CTNNA3: variants seen among roughly 807,000 people sequenced by gnomAD.
The protein encoded by CTNNA3 is catenin alpha-3.
In CTNNA3, 76 loss-of-function variants were observed where a neutral mutation model predicts 95.7. The observed-to-expected ratio is 0.79, with a 90% CI of 0.66 to 0.96. CTNNA3 has a LOEUF of 0.96. Ranked by LOEUF, CTNNA3 falls within the 40% of genes least tolerant of loss-of-function variation. The probability of loss-of-function intolerance (pLI) is 0.00; values close to 1 mark genes in which losing one functional copy is unlikely to be tolerated. For synonymous variants in CTNNA3, 431 were observed against 374.4 expected (o/e 1.15, Z -1.74); for missense variants, 1,191 against 1,089.8 (o/e 1.09, Z -1.31).
chr10:67,117,726 T>C (rs1279650692), intron 7 of CTNNA3, among the ~76,000 whole-genome samples: 1 of 152,044 alleles, frequency 6.6e-6, no homozygotes. Flanking sequence ...TATTATTAAT[T>C]TGAAATGTCT....
intron 15 of CTNNA3, among the ~76,000 whole-genome samples, chr10:66,014,844 C>T (rs913288644): frequency 1.7e-4 from 26 of 152,274 alleles, no homozygotes; most frequent in Admixed American, 1.3e-3. Context: ...TGGCTCAATG[C>T]CTGTAATCCC....
intron 5 of CTNNA3, among the ~76,000 whole-genome samples, chr10:67,379,597 T>C (rs1843838625): frequency 6.6e-6 from 1 of 152,192 alleles, no homozygotes; most frequent in Non-Finnish European, 1.5e-5. Context: ...TAAAGGCTCT[T>C]GGTAATTTTT....
intron 5 of CTNNA3, among the ~76,000 whole-genome samples, chr10:67,329,234 A>G (rs1841680996): frequency 6.6e-6 from 1 of 152,180 alleles, no homozygotes; most frequent in Non-Finnish European, 1.5e-5. Flanking sequence ...AGCTGGGCAT[A>G]GTGATGCATG....
intron 15 of CTNNA3, among the ~76,000 whole-genome samples, chr10:66,052,791 T>A (rs539263764): frequency 1.1e-4 from 17 of 152,090 alleles, no homozygotes; most frequent in Admixed American, 2.0e-4. Context: ...AGTTAAAATA[T>A]GGGCAAAGCA....
intron 11 of CTNNA3, among the ~76,000 whole-genome samples, chr10:66,517,177 C>T (rs142662588): frequency 0.011 from 1,699 of 152,008 alleles, 36 homozygotes; most frequent in African/African-American, 0.038. Context: ...GCCAAGATTG[C>T]GCCACTGCAC....
intron 5 of CTNNA3, among the ~76,000 whole-genome samples, chr10:67,453,211 A>T (rs1847054596): frequency 1.3e-5 from 2 of 152,180 alleles, no homozygotes; most frequent in Admixed American, 6.5e-5. Flanking sequence ...TGCTAACCTT[A>T]TGAACACATA....
At chr10:66,181,545 A>T (rs560710060) in intron 13 of CTNNA3, among the ~76,000 whole-genome samples, 2 of 152,074 alleles carry the variant, frequency 1.3e-5, no homozygotes, top group African/African-American at 4.8e-5. Context: ...ACACACTCCC[A>T]CCCTCAGTTC....
At chr10:66,205,331 T>C (rs2087690580) in intron 13 of CTNNA3, among the ~76,000 whole-genome samples, 1 of 151,920 alleles carries the variant, frequency 6.6e-6, no homozygotes, top group Non-Finnish European at 1.5e-5. Context: ...AACAACATTA[T>C]TTGAGGGCCA....
At chr10:67,161,148 C>G (rs568487996) in intron 7 of CTNNA3, among the ~76,000 whole-genome samples, 7 of 152,098 alleles carry the variant, frequency 4.6e-5, no homozygotes, top group African/African-American at 1.7e-4. Flanking sequence ...ATATTGTTCA[C>G]TTAAAAATTT....
chr10:66,862,023 A>T (rs1589347814), intron 7 of CTNNA3, among the ~76,000 whole-genome samples: 1 of 152,066 alleles, frequency 6.6e-6, no homozygotes, highest in Non-Finnish European at 1.5e-5. Context: ...AAGATCAGCC[A>T]GACTGATATG....
At chr10:67,159,281 C>A (rs1861436889) in intron 7 of CTNNA3, among the ~76,000 whole-genome samples, 1 of 152,206 alleles carries the variant, frequency 6.6e-6, no homozygotes, top group South Asian at 2.1e-4. Context: ...GAATTGCTCA[C>A]TCGGGGAGCT....
intron 3 of CTNNA3, among the ~76,000 whole-genome samples, chr10:67,548,291 G>A (rs1020751306): frequency 6.6e-6 from 1 of 152,170 alleles, no homozygotes; most frequent in African/African-American, 2.4e-5. Flanking sequence ...GCAGATGCTG[G>A]TGCTATGCTC....
chr10:66,146,833 A>G (rs1176045528), intron 13 of CTNNA3, among the ~76,000 whole-genome samples: 1 of 152,204 alleles, frequency 6.6e-6, no homozygotes, highest in Non-Finnish European at 1.5e-5. Flanking sequence ...TTGGGATTAC[A>G]GGCATGAGCC....
chr10:66,130,231 T>C (rs748502216), intron 13 of CTNNA3, among the ~76,000 whole-genome samples: 6 of 152,146 alleles, frequency 3.9e-5, no homozygotes, highest in Non-Finnish European at 7.3e-5. Flanking sequence ...AGAGGGAAAT[T>C]TGTAGCACTA....
At chr10:67,367,737 T>C (rs1036020077) in intron 5 of CTNNA3, among the ~76,000 whole-genome samples, 2 of 152,168 alleles carry the variant, frequency 1.3e-5, no homozygotes, top group South Asian at 2.1e-4. Context: ...TAACGAAGTC[T>C]TGTTTTTTGC....
chr10:66,892,200 T>A (rs1845296003), intron 7 of CTNNA3, among the ~76,000 whole-genome samples: 1 of 152,066 alleles, frequency 6.6e-6, no homozygotes, highest in Non-Finnish European at 1.5e-5. Flanking sequence ...CAATGGCAAC[T>A]AAAATGGCGG....
intron 5 of CTNNA3, among the ~76,000 whole-genome samples, chr10:67,370,076 C>T (rs117920782): frequency 0.012 from 1,828 of 152,172 alleles, 22 homozygotes; most frequent in Middle Eastern, 0.034. Context: ...ATAGTTATTA[C>T]TTACATTATT....
intron 5 of CTNNA3, among the ~76,000 whole-genome samples, chr10:67,404,387 A>C (rs1266944742): frequency 2.6e-5 from 4 of 152,066 alleles, no homozygotes; most frequent in Non-Finnish European, 5.9e-5. Context: ...GCTGAAAAAA[A>C]CACAACAAGA....
At chr10:67,450,399 G>A (rs1400641758) in intron 5 of CTNNA3, among the ~76,000 whole-genome samples, 3 of 152,082 alleles carry the variant, frequency 2.0e-5, no homozygotes, top group Non-Finnish European at 2.9e-5. Context: ...ATCAGCGGTA[G>A]GCTGGATAAA....
Sources: gnomAD v4.1 joint callset for allele counts (sites outside exome capture counted in the v4.1 genomes callset) on GRCh38, gnomAD v4.1.1 for gene constraint, MANE v1.5 for transcripts, NCBI Gene and HGNC (gene_info 2026-07-23, HGNC 2026-07-21) for gene names.